OR4K1: variants seen among roughly 807,000 people sequenced by gnomAD.
OR4K1 encodes olfactory receptor 4K1.
A neutral mutation model predicts 14.4 loss-of-function variants in OR4K1; 16 were observed. That is an observed-to-expected ratio of 1.11 (90% CI 0.75 to 1.68). OR4K1 has a LOEUF of 1.68. Ranked by LOEUF, OR4K1 falls within the 40% of genes most tolerant of loss-of-function variation. OR4K1 has a pLI of 0.00. For synonymous variants in OR4K1, 181 were observed against 133.1 expected, an observed-to-expected ratio of 1.36 and a Z score of -2.48; for missense variants, 548 against 376.9, an observed-to-expected ratio of 1.45 and a Z score of -3.76.
chr14:19,928,661 T>C (rs192528547), upstream of OR4K1, among the ~76,000 whole-genome samples: 225 of 152,242 alleles, frequency 1.5e-3, no homozygotes, highest in Middle Eastern at 6.8e-3. Flanking sequence ...GTATAAAATG[T>C]ATGTTTCTAT....
chr14:19,921,459 A>AT, the OR4K1 span: 2 of 1,614,066 alleles, frequency 1.2e-6, no homozygotes, highest in African/African-American at 2.7e-5. Context: ...CCTAAACCCC[A>AT]TTATTTATAC....
At position 19,936,133 on chromosome 14, in the gene OR4K1, C is replaced by G. The variant is rs576365304; in HGVS notation, c.467C>G (p.Ser156Cys). The G allele has an allele frequency of 6.2e-7, 1 of 1,614,212 alleles. No homozygotes were observed. The highest frequency in any genetic ancestry group is 8.5e-7 in the Non-Finnish European group (1 of 1,180,026). ...SISWAVGVLH[S>C]VSHLAFTVDL... ...TCCTGGGCGGTGGGCGTTCTTCATT[C>G]TGTGAGCCACTTGGCTTTTACAGTG... The change falls in exon 2 of 2, where the codon TCT (serine) becomes TGT (cysteine). Residue 156 changes from serine to cysteine, a missense_variant. Ser to Cys is a moderately radical substitution (Grantham distance 112, BLOSUM62 -1). Coordinates refer to ENST00000641172, the MANE Select transcript of OR4K1 (RefSeq NM_001004063.3).
the OR4K1 span, chr14:19,921,675 A>G: frequency 4.0e-6 from 5 of 1,250,142 alleles, no homozygotes; most frequent in Admixed American, 1.0e-4. Flanking sequence ...AGTGAAGAAG[A>G]TAATATAGAG....
upstream of OR4K1, among the ~76,000 whole-genome samples, chr14:19,926,322 A>G (rs1178512779): frequency 6.6e-6 from 1 of 152,214 alleles, no homozygotes; most frequent in Non-Finnish European, 1.5e-5. Context: ...AGCTTTTTCA[A>G]ACTCTTTTAC....
upstream of OR4K1, among the ~76,000 whole-genome samples, chr14:19,928,568 AG>A (rs1164246362): frequency 6.6e-6 from 1 of 152,162 alleles, no homozygotes; most frequent in Non-Finnish European, 1.5e-5. Flanking sequence ...AATAATAAAT[AG>A]GGTTTTTATT....
chr14:19,930,219 G>A (rs1179240587), upstream of OR4K1, among the ~76,000 whole-genome samples: 1 of 152,090 alleles, frequency 6.6e-6, no homozygotes, highest in Non-Finnish European at 1.5e-5. Context: ...GCTTATATAT[G>A]TGAATGTTTT....
the OR4K1 span, among the ~76,000 whole-genome samples, chr14:19,922,094 C>G: frequency 6.6e-6 from 1 of 151,384 alleles, no homozygotes. Flanking sequence ...TCAATTATGC[C>G]TATCCCATAC....
chr14:19,932,146 C>G (rs1882198511), intron 1 of OR4K1, among the ~76,000 whole-genome samples: 1 of 152,090 alleles, frequency 6.6e-6, no homozygotes, highest in African/African-American at 2.4e-5. Flanking sequence ...AGACTAAAAA[C>G]CTTATCATTT....
chr14:19,935,535 C>T, intron 1 of OR4K1, 113 bp from the exon 2 acceptor site: 1 of 837,604 alleles, frequency 1.2e-6, no homozygotes, highest in Non-Finnish European at 1.9e-6. Flanking sequence ...TATATGTAAC[C>T]TAATTAAATT....
intron 1 of OR4K1, 99 bp downstream of exon 1, chr14:19,931,244 G>T (rs1882177340): frequency 6.6e-6 from 1 of 152,302 alleles, no homozygotes; most frequent in African/African-American, 2.4e-5. Flanking sequence ...AGATAGCAAA[G>T]TGGAAGTTAT....
chr14:19,935,564 G>C (rs926641976), intron 1 of OR4K1, 84 bp from the exon 2 acceptor site: 6 of 1,050,028 alleles, frequency 5.7e-6, no homozygotes, highest in African/African-American at 1.6e-5. Flanking sequence ...CTTTTGTTTA[G>C]AATTGACTAT....
the OR4K1 span, chr14:19,921,177 G>T: frequency 6.2e-7 from 1 of 1,614,016 alleles, no homozygotes; most frequent in Non-Finnish European, 8.5e-7. Flanking sequence ...TGCCTGCCTG[G>T]ACTCTTACAT....
Position 19,935,898 on chromosome 14 carries a change from A to C in OR4K1, c.232A>C (p.Thr78Pro), listed in dbSNP as rs897590274. Residue 78 changes from threonine to proline, a missense_variant, in exon 2 of 2, where the codon ACC (threonine) becomes CCC (proline). By Grantham distance (38) the Thr-to-Pro change is conservative. Transcript: ENST00000641172. The stretch of plus-strand genomic sequence containing the variant: ...TGATATCTGTCAGTCTAACTTTGCC[A>C]CCCCCAAGATGCTTGTAGACTTTTT... ...FIDICQSNFA[T>P]PKMLVDFFIE... The C allele has an allele frequency of 5.0e-6, 8 of 1,614,096 alleles. No individual in the cohort carries two copies. In the East Asian group the frequency reaches 6.7e-5, roughly 13 times the overall value.
At chr14:19,933,045 TA>T (rs1488080822) in intron 1 of OR4K1, among the ~76,000 whole-genome samples, 9 of 151,426 alleles carry the variant, frequency 5.9e-5, no homozygotes, top group Non-Finnish European at 1.2e-4. Flanking sequence ...TTTGCTGTAA[TA>T]GATGTATGTA....
upstream of OR4K1, among the ~76,000 whole-genome samples, chr14:19,926,872 A>G (rs1882073452): frequency 6.6e-6 from 1 of 152,258 alleles, no homozygotes; most frequent in South Asian, 2.1e-4. Flanking sequence ...ATTCCAGAAA[A>G]AAAGCTCTGC....
intron 1 of OR4K1, among the ~76,000 whole-genome samples, chr14:19,932,956 AATATTT>A (rs1882217890): frequency 7.0e-6 from 1 of 143,250 alleles, no homozygotes; most frequent in African/African-American, 2.5e-5. Flanking sequence ...TAAAAATAAT[AATATTT>A]ATAACACTTA....
chr14:19,935,858 T>C lies in OR4K1; in HGVS notation c.192T>C (p.Ser64=). The change falls in exon 2 of 2, where the codon AGT becomes AGC. Residue 64 remains serine (S), a synonymous_variant. Transcript: ENST00000641172. ...HLNSPMYFLL[S]NLSFIDICQS... ...ACTCTCCTATGTACTTCTTGCTCAG[T>C]AATCTTTCTTTCATTGATATCTGTC... is the stretch of plus-strand genomic sequence containing the variant. The C allele has an allele frequency of 6.2e-7, 1 of 1,614,246 alleles. No individual in the cohort carries two copies. The highest frequency in any genetic ancestry group is 8.5e-7 in the Non-Finnish European group (1 of 1,180,036).
chr14:19,927,867 A>G (rs1166642391), upstream of OR4K1, among the ~76,000 whole-genome samples: 1 of 152,234 alleles, frequency 6.6e-6, no homozygotes, highest in African/African-American at 2.4e-5. Flanking sequence ...TGGATATAGG[A>G]TTCCACAGAG....
upstream of OR4K1, among the ~76,000 whole-genome samples, chr14:19,929,570 G>T (rs935606713): frequency 6.6e-6 from 1 of 151,998 alleles, no homozygotes; most frequent in Admixed American, 6.6e-5. Context: ...ATCTTTGTAG[G>T]CTATTTTAAT....
Sources: gnomAD v4.1 joint callset for allele counts (sites outside exome capture counted in the v4.1 genomes callset) on GRCh38, gnomAD v4.1.1 for gene constraint, MANE v1.5 for transcripts, NCBI Gene and HGNC (gene_info 2026-07-23, HGNC 2026-07-21) for gene names.